The following GRB10 variants were observed in gnomAD, a reference collection of about 807,000 sequenced individuals.
The protein encoded by GRB10 is growth factor receptor-bound protein 10.
Under a neutral mutation model 80.9 loss-of-function variants are expected in GRB10, and 20 were observed. The ratio of observed to expected loss-of-function variants is 0.25; its 90% CI spans 0.17 to 0.36. The LOEUF (loss-of-function observed/expected upper bound fraction) is 0.36. Among genes scored for constraint, GRB10 ranks in the 10% least tolerant of loss-of-function variants. GRB10 has a pLI of 1.00. For synonymous variants in GRB10, 291 were observed against 291.5 expected, an observed-to-expected ratio of 1.00 and a Z score of 0.02; for missense variants, 548 against 747.7, an observed-to-expected ratio of 0.73 and a Z score of 3.12.
intron 13 of GRB10, among the ~76,000 whole-genome samples, chr7:50,609,001 A>T (rs1378532712): frequency 6.6e-6 from 1 of 151,820 alleles, no homozygotes; most frequent in East Asian, 1.9e-4. Context: ...TATCTAGGGT[A>T]ACCAGGAGAA....
intron 3 of GRB10, among the ~76,000 whole-genome samples, chr7:50,738,509 G>A (rs1016012768): frequency 3.3e-5 from 5 of 152,196 alleles, no homozygotes; most frequent in Non-Finnish European, 7.3e-5. Flanking sequence ...TGTGATCAAA[G>A]CTTGCTGCAG....
At chr7:50,757,124 C>T (rs2075193128) in intron 2 of GRB10, among the ~76,000 whole-genome samples, 1 of 152,174 alleles carries the variant, frequency 6.6e-6, no homozygotes, top group Non-Finnish European at 1.5e-5. Context: ...TTTTTTGAAA[C>T]AGGTCCCGCT....
chr7:50,634,135 A>G (rs1159619843), intron 7 of GRB10, among the ~76,000 whole-genome samples: 2 of 152,230 alleles, frequency 1.3e-5, no homozygotes, highest in Non-Finnish European at 2.9e-5. Flanking sequence ...AAAAGCAGTT[A>G]GATAGAAGTG....
chr7:50,749,117 G>GTTTTGTT (rs1554295152), intron 3 of GRB10, among the ~76,000 whole-genome samples: 11 of 62,182 alleles, frequency 1.8e-4, no homozygotes, highest in Admixed American at 9.4e-4. Context: ...TTTTTGTTTT[G>GTTTTGTT]TTTTGTTTTT....
chr7:50,604,469 G>A, intron 15 of GRB10, 92 bp from the exon 16 acceptor site: 1 of 1,092,244 alleles, frequency 9.2e-7, no homozygotes, highest in Non-Finnish European at 1.4e-6. Flanking sequence ...CCACTGGGTG[G>A]GGTGCCTGAC....
chr7:50,636,545 G>A (rs973279530), intron 7 of GRB10, among the ~76,000 whole-genome samples: 1 of 152,126 alleles, frequency 6.6e-6, no homozygotes, highest in Non-Finnish European at 1.5e-5. Flanking sequence ...GATCAAGTGG[G>A]TTTAATTCCA....
chr7:50,677,392 T>TG (rs576270461), intron 5 of GRB10, among the ~76,000 whole-genome samples: 36 of 152,308 alleles, frequency 2.4e-4, no homozygotes, highest in African/African-American at 8.4e-4. Context: ...GGCATGTACC[T>TG]GCCTGAGCTA....
chr7:50,623,803 G>C (rs1447264218), intron 8 of GRB10, among the ~76,000 whole-genome samples: 4 of 152,110 alleles, frequency 2.6e-5, no homozygotes, highest in Non-Finnish European at 5.9e-5. Flanking sequence ...AAATGCCTGG[G>C]ACCAGAAGCT....
intron 4 of GRB10, among the ~76,000 whole-genome samples, chr7:50,709,430 G>T (rs1478494441): frequency 1.3e-5 from 2 of 152,222 alleles, no homozygotes; most frequent in African/African-American, 2.4e-5. Context: ...AGGCCAGCTG[G>T]GCTGTTCCTT....
At chr7:50,741,641 T>C (rs1266121811) in intron 3 of GRB10, among the ~76,000 whole-genome samples, 1 of 147,092 alleles carries the variant, frequency 6.8e-6, no homozygotes, top group Non-Finnish European at 1.5e-5. Context: ...GAAATAAAGA[T>C]ACAATACAGT....
chr7:50,597,615 A>G lies in GRB10; in HGVS notation c.1545-2085T>C, dbSNP rs915571140. On this transcript the variant is annotated intron_variant, in intron 17 of 18. Coordinates refer to ENST00000401949, the MANE Select transcript of GRB10 (RefSeq NM_001350814.2). ...AGACGAGTGAATGGCAGCATGGCCCAGGCCTGTTTACCCGAGAGGGACGTG... is the reference window on the plus strand; with the variant it reads ...AGACGAGTGAATGGCAGCATGGCCCGGGCCTGTTTACCCGAGAGGGACGTG... Among the ~76,000 whole-genome samples the G allele has an allele frequency of 7.2e-5, 11 of 152,254 alleles. No homozygotes were observed. In the East Asian group the frequency reaches 1.9e-3, roughly 27 times the overall value.
upstream of GRB10, among the ~76,000 whole-genome samples, chr7:50,784,632 A>G (rs149681144): frequency 6.6e-6 from 1 of 152,350 alleles, no homozygotes; most frequent in East Asian, 1.9e-4. Context: ...TGATCTAATG[A>G]TGGACAAGGA....
At chr7:50,651,593 T>G (rs1186967400) in intron 7 of GRB10, among the ~76,000 whole-genome samples, 1 of 152,200 alleles carries the variant, frequency 6.6e-6, no homozygotes, top group Non-Finnish European at 1.5e-5. Flanking sequence ...GGACTTCAAC[T>G]TATGTATTCT....
At chr7:50,627,370 A>AG (rs1409574909) in intron 7 of GRB10, among the ~76,000 whole-genome samples, 1 of 152,150 alleles carries the variant, frequency 6.6e-6, no homozygotes, top group Non-Finnish European at 1.5e-5. Flanking sequence ...CAAGCAAGCA[A>AG]CAACAAATCC....
At position 50,708,941 on chromosome 7, in the gene GRB10, T is replaced by C. The variant is rs188428507; in HGVS notation, c.52-5033A>G. ...CGTCTGCCTTGGCCTCCCAAAGTGC[T>C]GGGATTACAGGCGTGAGCCACAGTA... is the stretch of plus-strand genomic sequence containing the variant. On this transcript the variant is annotated intron_variant, in intron 4 of 18. Coordinates refer to ENST00000401949, the MANE Select transcript of GRB10 (RefSeq NM_001350814.2). 2.6e-3 allele frequency among the ~76,000 whole-genome samples: 399 copies of C among 152,326 alleles called. 1 individual carries two copies. The highest frequency in any genetic ancestry group is 7.9e-3 in the African/African-American group (329 of 41,572).
chr7:50,782,314 C>T lies in GRB10; in HGVS notation c.-327+110G>A, dbSNP rs1408670079. 2 of 150,158 alleles carry T rather than the reference C, an allele frequency of 1.3e-5. No individual in the cohort carries two copies. The highest frequency in any genetic ancestry group is 1.5e-5 in the Non-Finnish European group (1 of 67,334). The allele number at this position is 150,158 out of a possible 1,614,324, so 9.3% of individuals were successfully genotyped here. ...CGCCTCCCTCCCGGGCCCTGTCCGC[C>T]GCGGCCGGGGCCTCTGCAGCCTGCG... On this transcript the variant is annotated intron_variant, in intron 1 of 18. Coordinates refer to ENST00000401949, the MANE Select transcript of GRB10 (RefSeq NM_001350814.2). The surrounding 1 kb of genome is among the most constrained non-coding windows in gnomAD (Gnocchi z 6.6).
chr7:50,603,193 T>G (rs1430696238), intron 17 of GRB10, among the ~76,000 whole-genome samples: 2 of 152,204 alleles, frequency 1.3e-5, no homozygotes, highest in Non-Finnish European at 2.9e-5. Flanking sequence ...GGGAGGATGA[T>G]CAGCCTGTGT....
Position 50,765,454 on chromosome 7 carries a change from C to T in GRB10, c.-216-9398G>A, listed in dbSNP as rs552593849. Among the ~76,000 whole-genome samples the T allele has an allele frequency of 7.2e-5, 11 of 152,318 alleles. No individual in the cohort carries two copies. The South Asian group carries it at 2.3e-3, about 32-fold the overall frequency. On this transcript the variant is annotated intron_variant, in intron 2 of 18. Transcript: ENST00000401949. ...ATGAACTCATTTAAAAAAGGTGGTA[C>T]ATACACACAGTGGAGTGCTATTCAA...
intron 3 of GRB10, among the ~76,000 whole-genome samples, chr7:50,741,749 T>C (rs1473445908): frequency 6.6e-6 from 1 of 152,062 alleles, no homozygotes; most frequent in African/African-American, 2.4e-5. Context: ...GAAATGCATA[T>C]TTTATAAAGA....
Sources: allele counts gnomAD v4.1 joint callset (sites outside exome capture counted in the v4.1 genomes callset), GRCh38; gene constraint gnomAD v4.1.1; non-coding constraint Gnocchi (gnomAD v3.1); transcripts MANE v1.5; gene names NCBI Gene and HGNC (gene_info 2026-07-23, HGNC 2026-07-21).